DENND2B: variants seen among roughly 807,000 people sequenced by gnomAD.
The protein encoded by DENND2B is DENN domain-containing protein 2B.
DENND2B carries 32 observed loss-of-function variants against 116.0 expected under a neutral mutation model. That is an observed-to-expected ratio of 0.28 (90% CI 0.21 to 0.37). The LOEUF is 0.37. Among genes scored for constraint, DENND2B ranks in the 10% least tolerant of loss-of-function variants. The pLI, the probability that DENND2B is intolerant of heterozygous loss-of-function variation, is 1.00. For missense variants in DENND2B, 1,276 were observed against 1,477.7 expected (o/e 0.86, Z 2.24); for synonymous variants, 588 against 583.9 (o/e 1.01, Z -0.10).
chr11:8,757,779 A>G (rs915442413), intron 1 of DENND2B, among the ~76,000 whole-genome samples: 1 of 152,216 alleles, frequency 6.6e-6, no homozygotes, highest in Non-Finnish European at 1.5e-5. Flanking sequence ...ACACGGCTAG[A>G]AAGGGGCAGG....
At chr11:8,857,985 T>C (rs1272664568) in intron 2 of DENND2B, among the ~76,000 whole-genome samples, 2 of 152,194 alleles carry the variant, frequency 1.3e-5, no homozygotes, top group East Asian at 1.9e-4. Flanking sequence ...CCCACACTAT[T>C]CTGTCCCCTC....
At chr11:8,710,037 G>T (rs1414838830) in intron 11 of DENND2B, among the ~76,000 whole-genome samples, 1 of 152,142 alleles carries the variant, frequency 6.6e-6, no homozygotes, top group Non-Finnish European at 1.5e-5. Flanking sequence ...AAGTGTTTCT[G>T]AATGAATGAA....
intron 14 of DENND2B, among the ~76,000 whole-genome samples, chr11:8,700,202 C>T (rs889623258): frequency 6.6e-6 from 1 of 152,178 alleles, no homozygotes; most frequent in Admixed American, 6.5e-5. Flanking sequence ...GCTGGGCAGT[C>T]AGGGGCTTTG....
chr11:8,900,664 T>A (rs2064156000), intron 1 of DENND2B, among the ~76,000 whole-genome samples: 1 of 150,344 alleles, frequency 6.7e-6, no homozygotes, highest in African/African-American at 2.4e-5. Flanking sequence ...CCTAGAACAA[T>A]CACTAAAAAA....
chr11:8,730,885 G>C lies in DENND2B; in HGVS notation c.405C>G (p.Ala135=), dbSNP rs1030548613. The change falls in exon 3 of 20, where the codon GCC becomes GCG. Residue 135 remains alanine, a synonymous_variant. Coordinates refer to ENST00000313726, the MANE Select transcript of DENND2B (RefSeq NM_213618.2). The surrounding 1 kb of genome is among the most constrained non-coding windows in gnomAD (Gnocchi z 4.1). ...VAGVAACLPL[A]QSTPFPGPAA... ...CTGGCCCCGGGAATGGCGTGCTCTG[G>C]GCAAGGGGGAGGCAGGCAGCGACCC... 14 of 1,613,798 alleles carry C rather than the reference G, an allele frequency of 8.7e-6. No individual in the cohort carries two copies. Among genetic ancestry groups the C allele is most frequent in the Non-Finnish European group, 1.2e-5 (14 of 1,180,050 alleles).
chr11:8,791,280 T>C (rs959863467), intron 1 of DENND2B, among the ~76,000 whole-genome samples: 1 of 152,162 alleles, frequency 6.6e-6, no homozygotes, highest in African/African-American at 2.4e-5. Flanking sequence ...CAATTGCACA[T>C]AGGAAGCACT....
intron 2 of DENND2B, among the ~76,000 whole-genome samples, chr11:8,858,822 A>C (rs545331362): frequency 6.6e-6 from 1 of 152,344 alleles, no homozygotes; most frequent in Admixed American, 6.5e-5. Flanking sequence ...AGCTCAAGAA[A>C]GTCCATCTCT....
chr11:8,840,026 G>C (rs1313377745), intron 3 of DENND2B, among the ~76,000 whole-genome samples: 2 of 151,984 alleles, frequency 1.3e-5, no homozygotes, highest in African/African-American at 4.8e-5. Flanking sequence ...CTCTTCCCCA[G>C]GTGGAAAAAT....
chr11:8,880,975 T>A (rs2134727512), intron 2 of DENND2B: 1 of 152,274 alleles, frequency 6.6e-6, no homozygotes, highest in East Asian at 1.9e-4. Context: ...CTCAGAAGCA[T>A]GCTTACTCTA....
chr11:8,908,265 G>A lies in DENND2B; in HGVS notation c.-256+2556C>T, dbSNP rs571405580. Among the ~76,000 whole-genome samples the A allele has an allele frequency of 6.6e-5, 10 of 152,254 alleles. No individual in the cohort carries two copies. The South Asian group carries it at 1.7e-3, about 25-fold the overall frequency. On this transcript the variant is annotated intron_variant, in intron 1 of 22. Coordinates refer to the DENND2B transcript ENST00000534127. Reference sequence around the variant, plus strand: ...AGAGGTGGCAACTGGGAACCACTGGGAAAAGTTTCAAAGAGCTGACCTGAC... The same window carrying A: ...AGAGGTGGCAACTGGGAACCACTGGAAAAAGTTTCAAAGAGCTGACCTGAC...
chr11:8,749,132 G>A (rs2051860072), intron 2 of DENND2B, among the ~76,000 whole-genome samples: 1 of 152,172 alleles, frequency 6.6e-6, no homozygotes, highest in Non-Finnish European at 1.5e-5. Flanking sequence ...CTCAATCATG[G>A]TAAGAATGCC....
chr11:8,782,212 T>C (rs1466754451), intron 1 of DENND2B, among the ~76,000 whole-genome samples: 1 of 152,226 alleles, frequency 6.6e-6, no homozygotes, highest in African/African-American at 2.4e-5. Context: ...GAAAACTTTT[T>C]AGAAATGACT....
chr11:8,735,005 G>T (rs1292730414), intron 2 of DENND2B, among the ~76,000 whole-genome samples: 1 of 150,798 alleles, frequency 6.6e-6, no homozygotes, highest in Admixed American at 6.6e-5. Context: ...TGTCGGGGCA[G>T]GGGGGCGGGA....
In DENND2B at chr11:8,702,795, T is replaced by TG. The variant is rs755604427; in HGVS notation, c.2572-76dup. 2.2e-5 allele frequency: 33 copies of TG among 1,503,166 alleles called. No homozygotes were observed. The highest frequency in any genetic ancestry group is 2.8e-5 in the Non-Finnish European group (32 of 1,125,814). 93.1% of individuals were successfully genotyped at this position (1,503,166 alleles called of 1,614,324 possible). ...GCCCTCTGGCCCTCCACGAAGCAACTGGAGCTGCTTTCCCCTTCCAACCTG... is the reference window on the plus strand; with the variant it reads ...GCCCTCTGGCCCTCCACGAAGCAACTGGGAGCTGCTTTCCCCTTCCAACCTG... On this transcript the variant is annotated intron_variant, in intron 13 of 19. Transcript: ENST00000313726. The surrounding 1 kb of genome is among the most constrained non-coding windows in gnomAD (Gnocchi z 4.6).
In DENND2B at chr11:8,715,765, C is replaced by T. The variant is rs202048463; in HGVS notation, c.1683G>A (p.Arg561=). The part of the protein sequence containing the change: ...QSLRSGNWSE[R]KSHRLPRLPK... Reference sequence around the variant, plus strand: ...GTAATCGTGGCAGCCGGTGGCTCTTCCTTTCTGACCAGTTCCCACTGCGCA... The same window carrying T: ...GTAATCGTGGCAGCCGGTGGCTCTTTCTTTCTGACCAGTTCCCACTGCGCA... The change falls in exon 6 of 20, where the codon AGG becomes AGA. Residue 561 remains arginine (R), a synonymous_variant. Transcript: ENST00000313726. 1.2e-5 allele frequency: 19 copies of T among 1,613,640 alleles called. No homozygotes were observed. In the East Asian group the frequency reaches 4.2e-4, roughly 36 times the overall value.
intron 1 of DENND2B, among the ~76,000 whole-genome samples, chr11:8,800,058 A>G (rs1422512497): frequency 6.6e-6 from 1 of 151,890 alleles, no homozygotes; most frequent in Admixed American, 6.6e-5. Context: ...GGCTCAAGCA[A>G]TCATTCCACC....
At chr11:8,861,545 T>TG (rs2134678440) in intron 2 of DENND2B, among the ~76,000 whole-genome samples, 1 of 152,304 alleles carries the variant, frequency 6.6e-6, no homozygotes, top group South Asian at 2.1e-4. Context: ...GATCTTGACA[T>TG]GGATGTGGTG....
intron 5 of DENND2B, 152 bp downstream of exon 5, chr11:8,717,589 C>G (rs374571273): frequency 2.3e-6 from 2 of 856,854 alleles, no homozygotes; most frequent in Middle Eastern, 3.9e-4. Context: ...CAGACGAGAT[C>G]GGGCACGTTC....
At chr11:8,823,208 C>G (rs774471200) in intron 4 of DENND2B, among the ~76,000 whole-genome samples, 14 of 151,938 alleles carry the variant, frequency 9.2e-5, no homozygotes, top group Non-Finnish European at 1.3e-4. Flanking sequence ...CAAAGAATGT[C>G]AGGGACATAA....
Sources: gnomAD v4.1 joint callset for allele counts (sites outside exome capture counted in the v4.1 genomes callset) on GRCh38, gnomAD v4.1.1 for gene constraint, Gnocchi (gnomAD v3.1) non-coding constraint, MANE v1.5 for transcripts, NCBI Gene and HGNC (gene_info 2026-07-23, HGNC 2026-07-21) for gene names.